MED13: variants seen among roughly 807,000 people sequenced by gnomAD.
MED13 encodes the protein mediator complex subunit 13, also known as mediator of RNA polymerase II transcription subunit 13.
MED13 carries 23 observed loss-of-function variants against 225.2 expected under a neutral mutation model. The observed-to-expected ratio is 0.10, with a 90% CI of 0.07 to 0.14. The LOEUF (loss-of-function observed/expected upper bound fraction) is 0.14. Ranked by LOEUF, MED13 falls within the 10% of genes least tolerant of loss-of-function variation. The probability of loss-of-function intolerance (pLI) is 1.00; values close to 1 mark genes in which losing one functional copy is unlikely to be tolerated. For missense variants in MED13, 2,197 were observed against 2,594.5 expected (o/e 0.85, Z 3.33); for synonymous variants, 942 against 889.2 (o/e 1.06, Z -1.06).
chr17:62,032,003 T>C (rs997408878), intron 5 of MED13, among the ~76,000 whole-genome samples: 2 of 151,998 alleles, frequency 1.3e-5, no homozygotes, highest in Non-Finnish European at 2.9e-5. Context: ...TTAACAAAGG[T>C]AATCTGGACA....
At chr17:62,020,265 T>C (rs1016661852) in intron 8 of MED13, among the ~76,000 whole-genome samples, 4 of 152,182 alleles carry the variant, frequency 2.6e-5, no homozygotes, top group Non-Finnish European at 4.4e-5. Context: ...GAAAACCTTT[T>C]ATTGAGGTAT....
intron 9 of MED13, among the ~76,000 whole-genome samples, chr17:62,003,057 G>A (rs1320032429): frequency 1.3e-5 from 2 of 152,150 alleles, no homozygotes. Context: ...AATGTTACCT[G>A]GGGATGGGGC....
chr17:61,972,436 TA>T (rs201191336), intron 17 of MED13, among the ~76,000 whole-genome samples: 25 of 149,934 alleles, frequency 1.7e-4, no homozygotes, highest in African/African-American at 3.4e-4. Flanking sequence ...TTTTTGCCTT[TA>T]AAAAAAAAAT....
chr17:61,992,070 T>C (rs1165840744), intron 11 of MED13, among the ~76,000 whole-genome samples: 1 of 152,240 alleles, frequency 6.6e-6, no homozygotes, highest in Non-Finnish European at 1.5e-5. Context: ...CTTGGAGTTA[T>C]GATGATGAAA....
At chr17:61,988,867 CTAT>C (rs1318132811) in intron 11 of MED13, among the ~76,000 whole-genome samples, 2 of 151,964 alleles carry the variant, frequency 1.3e-5, no homozygotes, top group African/African-American at 2.4e-5. Context: ...AATATACAAT[CTAT>C]TATTAATTGT....
At chr17:62,013,232 T>C (rs1351523344) in intron 8 of MED13, among the ~76,000 whole-genome samples, 1 of 152,040 alleles carries the variant, frequency 6.6e-6, no homozygotes, top group Non-Finnish European at 1.5e-5. Context: ...ATCAAAGATA[T>C]TACACAAAAA....
chr17:61,979,905 C>T (rs1052678942), intron 16 of MED13, among the ~76,000 whole-genome samples: 8 of 151,944 alleles, frequency 5.3e-5, no homozygotes, highest in Admixed American at 3.3e-4. Flanking sequence ...TAAATATTCC[C>T]GGGCCAGGCA....
rs374475273 is a variant in MED13, at chr17:62,010,631, A to G, written c.1886T>C (p.Leu629Ser). Residue 629 changes from leucine to serine, a missense_variant, in exon 9 of 30, where the codon TTA (leucine) becomes TCA (serine). Physicochemically the swap from Leu to Ser is moderately radical, Grantham distance 145. This residue lies in a region of MED13 where 884 missense variants were observed against 918.5 expected (regional missense o/e 0.96). Transcript: ENST00000397786. ...KFPKKKDVEF[L>S]PPQLPSDKFK... ...TTTATCACTTGGAAGTTGAGGTGGT[A>G]AAAACTCTACATCTTTTTTCTTTGG... The G allele has an allele frequency of 4.9e-5, 73 of 1,494,454 alleles. 1 individual carries two copies. The highest frequency in any genetic ancestry group is 6.3e-5 in the Non-Finnish European group (71 of 1,121,568). 92.6% of individuals were successfully genotyped at this position (1,494,454 alleles called of 1,614,324 possible).
intron 3 of MED13, among the ~76,000 whole-genome samples, chr17:62,042,997 A>C (rs1382575780): frequency 1.3e-5 from 2 of 151,776 alleles, no homozygotes; most frequent in Non-Finnish European, 2.9e-5. Flanking sequence ...TCTCTACCTA[A>C]ATTACAAAAC....
At chr17:62,060,777 G>A (rs1443998922) in intron 2 of MED13, among the ~76,000 whole-genome samples, 2 of 151,190 alleles carry the variant, frequency 1.3e-5, no homozygotes, top group Admixed American at 6.6e-5. Context: ...TCGGCTCACT[G>A]CAACCTCCGC....
intron 9 of MED13, among the ~76,000 whole-genome samples, chr17:62,002,494 A>C (rs1007632075): frequency 2.1e-5 from 3 of 141,682 alleles, no homozygotes; most frequent in African/African-American, 8.5e-5. Context: ...CATCTCAAAA[A>C]AAAAAAAAAA....
Position 62,001,585 on chromosome 17 carries a change from C to T in MED13, c.1968-6220G>A, listed in dbSNP as rs373041368. Among the ~76,000 whole-genome samples the T allele has an allele frequency of 2.2e-4, 34 of 152,254 alleles. 1 individual carries two copies. The South Asian group carries it at 6.0e-3, about 27-fold the overall frequency. On this transcript the variant is annotated intron_variant, in intron 9 of 29. Coordinates refer to ENST00000397786, the MANE Select transcript of MED13 (RefSeq NM_005121.3). ...TCTGCTATTCCATTCTATAGTCCTA[C>T]GCTTTTCAGGTCTCATTTCTCATCA...
chr17:62,039,418 G>A (rs1373245286), intron 3 of MED13, among the ~76,000 whole-genome samples: 1 of 151,976 alleles, frequency 6.6e-6, no homozygotes, highest in Non-Finnish European at 1.5e-5. Context: ...GAGTAGCTGG[G>A]ATTACAGGCA....
At chr17:61,973,028 T>C (rs2080123141) in intron 16 of MED13, 140 bp from the exon 17 acceptor site, 2 of 553,202 alleles carry the variant, frequency 3.6e-6, no homozygotes, top group Admixed American at 3.6e-5. Context: ...GTGCAGAGAA[T>C]TGCATTAAGT....
chr17:62,016,880 G>C (rs1471792416), intron 8 of MED13, among the ~76,000 whole-genome samples: 1 of 151,876 alleles, frequency 6.6e-6, no homozygotes, highest in African/African-American at 2.4e-5. Flanking sequence ...TGTGGTGGCA[G>C]GCGCCTGTAA....
chr17:62,040,222 T>C (rs187903791), intron 3 of MED13, among the ~76,000 whole-genome samples: 8 of 152,152 alleles, frequency 5.3e-5, no homozygotes, highest in Non-Finnish European at 8.8e-5. Context: ...TATTTAACAC[T>C]CAGAAAAGTG....
intron 2 of MED13, among the ~76,000 whole-genome samples, chr17:62,053,383 G>C (rs901681507): frequency 6.6e-6 from 1 of 152,108 alleles, no homozygotes; most frequent in Non-Finnish European, 1.5e-5. Flanking sequence ...TAAAATTATA[G>C]CTATCTTCAC....
At chr17:62,027,363 G>A (rs1450422354) in intron 8 of MED13, among the ~76,000 whole-genome samples, 1 of 152,178 alleles carries the variant, frequency 6.6e-6, no homozygotes, top group African/African-American at 2.4e-5. Context: ...AAATGGTGCT[G>A]GTATAAGTGG....
intron 10 of MED13, 152 bp from the exon 11 acceptor site, chr17:61,992,773 T>C: frequency 2.2e-6 from 1 of 449,866 alleles, no homozygotes; most frequent in East Asian, 3.4e-5. Flanking sequence ...AGTATGCTTA[T>C]TATTACTTTT....
Sources: allele counts gnomAD v4.1 joint callset (sites outside exome capture counted in the v4.1 genomes callset), GRCh38; gene constraint gnomAD v4.1.1; regional missense constraint gnomAD v4.1.1; transcripts MANE v1.5; gene names NCBI Gene and HGNC (gene_info 2026-07-23, HGNC 2026-07-21).